The following ANO2 variants were observed in gnomAD, a reference collection of about 807,000 sequenced individuals.
ANO2 encodes the protein anoctamin 2.
A neutral mutation model predicts 124.2 loss-of-function variants in ANO2; 101 were observed. The ratio of observed to expected loss-of-function variants is 0.81; its 90% CI spans 0.69 to 0.96. The LOEUF (loss-of-function observed/expected upper bound fraction) is 0.96, where lower values mean the gene tolerates loss of function less well. Ranked by LOEUF, ANO2 falls within the 40% of genes least tolerant of loss-of-function variation. The pLI is 0.00. For missense variants in ANO2, 1,293 were observed against 1,274.5 expected (o/e 1.01, Z -0.22); for synonymous variants, 486 against 482.5 (o/e 1.01, Z -0.09).
chr12:5,604,232 G>C (rs1171825962), intron 19 of ANO2, among the ~76,000 whole-genome samples: 1 of 152,192 alleles, frequency 6.6e-6, no homozygotes, highest in African/African-American at 2.4e-5. Context: ...GGTTGGTGGT[G>C]CCGATGGCTA....
At position 5,739,316 on chromosome 12, in the gene ANO2, C is replaced by T; in HGVS notation, c.1434+1G>A. ...TGTGAGAAATACGTGAGAGAACTCA[C>T]TTCTTCCTCTTCTATGCCAGTCAGG... On this transcript the variant is annotated splice_donor_variant, in intron 13 of 24. Coordinates refer to ENST00000682330, the MANE Select transcript of ANO2 (RefSeq NM_001364791.2). LOFTEE classifies it high-confidence loss of function. 6.9e-6 allele frequency: 11 copies of T among 1,597,494 alleles called. No individual in the cohort carries two copies. Among genetic ancestry groups the T allele is most frequent in the Non-Finnish European group, 9.4e-6 (11 of 1,171,492 alleles).
intron 3 of ANO2, among the ~76,000 whole-genome samples, chr12:5,879,955 GA>G (rs1364958445): frequency 6.6e-6 from 1 of 152,220 alleles, no homozygotes; most frequent in Non-Finnish European, 1.5e-5. Flanking sequence ...AGATGGTTTG[GA>G]GGGGCAAATC....
At chr12:5,570,297 G>C (rs1428753145) in intron 23 of ANO2, among the ~76,000 whole-genome samples, 1 of 152,110 alleles carries the variant, frequency 6.6e-6, no homozygotes, top group Admixed American at 6.5e-5. Context: ...AAAATGCCTA[G>C]AGAACATTCA....
At position 5,578,444 on chromosome 12, in the gene ANO2, C is replaced by T. The variant is rs202127463; in HGVS notation, c.2308G>A (p.Val770Ile). ...TTTGCATCGAGCCGCACTTCAATGA[C>T]GTTGTTGAGGAGGGCAAACACAGGT... ...LAPVFALLNN[V>I]IEVRLDAKKF... Residue 770 changes from valine (V) to isoleucine (I), a missense_variant, in exon 21 of 25, where the codon GTC becomes ATC. Val to Ile is a conservative substitution (Grantham distance 29). Coordinates refer to ENST00000682330, the MANE Select transcript of ANO2 (RefSeq NM_001364791.2). The T allele has an allele frequency of 5.1e-5, 83 of 1,613,866 alleles. No homozygotes were observed. The highest frequency in any genetic ancestry group is 3.1e-4 in the South Asian group (28 of 91,072).
intron 4 of ANO2, among the ~76,000 whole-genome samples, chr12:5,848,151 CAT>C (rs1016864990): frequency 3.9e-5 from 6 of 152,306 alleles, no homozygotes; most frequent in African/African-American, 1.4e-4. Flanking sequence ...TTATTGAAAA[CAT>C]AGTCCCTTGT....
intron 3 of ANO2, among the ~76,000 whole-genome samples, chr12:5,897,649 T>A (rs1939885351): frequency 6.6e-6 from 1 of 151,912 alleles, no homozygotes; most frequent in Non-Finnish European, 1.5e-5. Context: ...TGAGGAAGAA[T>A]GGTCCGTTCA....
In ANO2 at chr12:5,684,783, G is replaced by C. The variant is rs989553010; in HGVS notation, c.1546-36982C>G. Among the ~76,000 whole-genome samples the C allele has an allele frequency of 2.0e-5, 3 of 152,126 alleles. No homozygotes were observed. The East Asian group carries it at 5.8e-4, about 29-fold the overall frequency. Reference sequence around the variant, plus strand: ...CTCCCTTGAGAATGCAGCCCACATTGTTTACTTGTTTTCATCTTCCCTATA... The same window carrying C: ...CTCCCTTGAGAATGCAGCCCACATTCTTTACTTGTTTTCATCTTCCCTATA... On this transcript the variant is annotated intron_variant, in intron 14 of 24. Transcript: ENST00000682330.
At chr12:5,575,654 C>T (rs1438923700) in intron 23 of ANO2, among the ~76,000 whole-genome samples, 180 bp downstream of exon 23, 1 of 152,160 alleles carries the variant, frequency 6.6e-6, no homozygotes. Context: ...TATCTAAATA[C>T]AGAAGATGTA....
In ANO2 at chr12:5,922,610, CAGT is replaced by C; in HGVS notation, c.207+7_207+9del. The C allele has an allele frequency of 6.6e-7, 1 of 1,525,524 alleles. No homozygotes were observed. The highest frequency in any genetic ancestry group is 1.4e-5 in the African/African-American group (1 of 72,776). 94.5% of individuals were successfully genotyped at this position (1,525,524 alleles called of 1,614,324 possible). A position where few individuals can be genotyped will look rare whatever the true frequency, so the allele number is the denominator to read the frequency against. ...CCTATCCCCCCACCCCACCCCCGCC[CAGT>C]ACTCACAGAGCTGCTGCGGGTGCTC... On this transcript the variant is annotated splice_region_variant and intron_variant, in intron 2 of 24. Coordinates refer to ENST00000682330, the MANE Select transcript of ANO2 (RefSeq NM_001364791.2).
At chr12:5,794,706 C>T (rs146404299) in intron 10 of ANO2, among the ~76,000 whole-genome samples, 1 of 152,316 alleles carries the variant, frequency 6.6e-6, no homozygotes, top group Non-Finnish European at 1.5e-5. Flanking sequence ...CCCTACATAA[C>T]TCCTAGATCT....
intron 10 of ANO2, among the ~76,000 whole-genome samples, chr12:5,758,092 C>T (rs1387349483): frequency 1.3e-5 from 2 of 152,088 alleles, no homozygotes; most frequent in Non-Finnish European, 2.9e-5. Context: ...AAGCCTTAAA[C>T]GGAAGAAGGG....
chr12:5,891,512 G>T (rs943312399), intron 3 of ANO2, among the ~76,000 whole-genome samples: 3 of 152,184 alleles, frequency 2.0e-5, no homozygotes, highest in Admixed American at 6.5e-5. Flanking sequence ...TCAGGGGACA[G>T]GAAGGTTCTG....
chr12:5,697,162 G>A (rs1949215214), intron 14 of ANO2, among the ~76,000 whole-genome samples: 1 of 152,164 alleles, frequency 6.6e-6, no homozygotes, highest in Admixed American at 6.5e-5. Flanking sequence ...GGCTGGGCAT[G>A]GTGGCTCACA....
intron 14 of ANO2, among the ~76,000 whole-genome samples, chr12:5,693,107 T>C (rs775671553): frequency 1.3e-5 from 2 of 152,128 alleles, no homozygotes; most frequent in Non-Finnish European, 2.9e-5. Context: ...ACATCTCTCT[T>C]CTTTATCTGC....
At chr12:5,618,445 C>T (rs529154218) in intron 16 of ANO2, among the ~76,000 whole-genome samples, 1 of 152,226 alleles carries the variant, frequency 6.6e-6, no homozygotes, top group South Asian at 2.1e-4. Flanking sequence ...TCCTCACCTC[C>T]CTGGGTGAGC....
At chr12:5,612,451 G>A (rs1394181923) in intron 19 of ANO2, among the ~76,000 whole-genome samples, 1 of 152,150 alleles carries the variant, frequency 6.6e-6, no homozygotes, top group Non-Finnish European at 1.5e-5. Context: ...TAAGCAAAGG[G>A]TAAATCCTTC....
intron 3 of ANO2, among the ~76,000 whole-genome samples, chr12:5,914,559 C>T (rs988292237): frequency 6.6e-6 from 1 of 152,174 alleles, no homozygotes; most frequent in African/African-American, 2.4e-5. Context: ...CCAAGAACAG[C>T]CCGTAGACCT....
chr12:5,937,508 G>A (rs1229299009), intron 1 of ANO2, among the ~76,000 whole-genome samples: 1 of 152,006 alleles, frequency 6.6e-6, no homozygotes, highest in East Asian at 1.9e-4. Context: ...CACTTCATTG[G>A]CTGCCTTTTC....
At chr12:5,735,650 A>G (rs1299340342) in intron 13 of ANO2, among the ~76,000 whole-genome samples, 1 of 152,178 alleles carries the variant, frequency 6.6e-6, no homozygotes, top group Admixed American at 6.5e-5. Flanking sequence ...CAATCTGAAG[A>G]CGGCAATGTT....
Sources: gnomAD v4.1 joint callset for allele counts (sites outside exome capture counted in the v4.1 genomes callset) on GRCh38, gnomAD v4.1.1 for gene constraint, MANE v1.5 for transcripts, NCBI Gene and HGNC (gene_info 2026-07-23, HGNC 2026-07-21) for gene names.